The following GRIK1 variants were observed in gnomAD, a reference collection of about 807,000 sequenced individuals.
GRIK1 encodes the protein glutamate receptor ionotropic, kainate 1.
GRIK1 carries 69 observed loss-of-function variants against 105.7 expected under a neutral mutation model. The ratio of observed to expected loss-of-function variants is 0.65; its 90% CI spans 0.54 to 0.80. The LOEUF (loss-of-function observed/expected upper bound fraction) is 0.80, where lower values mean the gene tolerates loss of function less well. Among genes scored for constraint, GRIK1 ranks in the 30% least tolerant of loss-of-function variants. The pLI, the probability that GRIK1 is intolerant of heterozygous loss-of-function variation, is 0.00. For missense variants in GRIK1, 1,109 were observed against 1,167.3 expected (o/e 0.95, Z 0.73); for synonymous variants, 438 against 431.3 (o/e 1.02, Z -0.19).
At position 29,844,364 on chromosome 21, in the gene GRIK1, T is replaced by C. The variant is rs570659792; in HGVS notation, c.118+95019A>G. Among the ~76,000 whole-genome samples the C allele has an allele frequency of 9.8e-5, 15 of 152,312 alleles. 1 individual carries two copies. The South Asian group carries it at 2.9e-3, about 29-fold the overall frequency. On this transcript the variant is annotated intron_variant, in intron 1 of 17. Coordinates refer to ENST00000327783, the MANE Select transcript of GRIK1 (RefSeq NM_001330994.2). The stretch of plus-strand genomic sequence containing the variant: ...TGAGGGTCAAAATTAAACTCTCAGC[T>C]GGGGTCTACATACGCCAGTAAAGAA...
chr21:29,545,580 C>A (rs1465356359), intron 16 of GRIK1, among the ~76,000 whole-genome samples: 1 of 152,166 alleles, frequency 6.6e-6, no homozygotes, highest in Non-Finnish European at 1.5e-5. Context: ...AATGGCACTA[C>A]CTTTAAGCTA....
chr21:29,542,412 C>T lies in GRIK1; in HGVS notation c.2608-4528G>A, dbSNP rs78198622. Among the ~76,000 whole-genome samples, 9 of 152,168 alleles carry T rather than the reference C, an allele frequency of 5.9e-5. No homozygotes were observed. In the East Asian group the frequency reaches 1.7e-3, roughly 29 times the overall value. On this transcript the variant is annotated intron_variant, in intron 16 of 17. Coordinates refer to ENST00000327783, the MANE Select transcript of GRIK1 (RefSeq NM_001330994.2). ...ATCTTCTCTTTACACCTTTATCCTT[C>T]CGTTGCAAATGTTGCCCTGGATGGG...
intron 1 of GRIK1, among the ~76,000 whole-genome samples, chr21:29,810,226 G>A (rs1271749853): frequency 6.6e-6 from 1 of 151,756 alleles, no homozygotes; most frequent in African/African-American, 2.4e-5. Context: ...GAACTCAAGA[G>A]GTGGAGTTTG....
intron 1 of GRIK1, among the ~76,000 whole-genome samples, chr21:29,779,484 G>A (rs2066032225): frequency 8.8e-6 from 1 of 113,950 alleles, no homozygotes; most frequent in Non-Finnish European, 1.9e-5. Context: ...GCTTTGTTTT[G>A]CCCTTTTATG....
chr21:29,939,232 T>C (rs900436276), intron 1 of GRIK1, 151 bp downstream of exon 1: 35 of 561,440 alleles, frequency 6.2e-5, no homozygotes, highest in Non-Finnish European at 1.0e-4. Context: ...GGCTCCCCCT[T>C]TTTTGTGTAG....
intron 1 of GRIK1, among the ~76,000 whole-genome samples, chr21:29,837,768 G>A (rs768399452): frequency 5.9e-5 from 9 of 152,222 alleles, no homozygotes; most frequent in South Asian, 4.2e-4. Flanking sequence ...AAAACTTACC[G>A]TTTAGTAAAC....
intron 7 of GRIK1, among the ~76,000 whole-genome samples, chr21:29,617,039 T>G (rs2061867881): frequency 6.6e-6 from 1 of 152,224 alleles, no homozygotes; most frequent in South Asian, 2.1e-4. Context: ...TAAAACATTT[T>G]ATAATAAGTA....
At chr21:29,881,949 A>G (rs1039597833) in intron 1 of GRIK1, among the ~76,000 whole-genome samples, 1 of 152,080 alleles carries the variant, frequency 6.6e-6, no homozygotes, top group Non-Finnish European at 1.5e-5. Context: ...TCTATTCACT[A>G]TGCTCGGAGG....
intron 1 of GRIK1, among the ~76,000 whole-genome samples, chr21:29,781,995 T>C (rs111541023): frequency 0.043 from 6,550 of 151,922 alleles, 199 homozygotes; most frequent in Non-Finnish European, 0.066. Flanking sequence ...AAAAGCTGCC[T>C]ATTGTGCCCT....
At chr21:29,774,079 C>T (rs1035703574) in intron 1 of GRIK1, among the ~76,000 whole-genome samples, 12 of 152,162 alleles carry the variant, frequency 7.9e-5, no homozygotes, top group African/African-American at 2.9e-4. Context: ...ATAAGCTCTA[C>T]TGGCAAGGCA....
chr21:29,637,002 G>A (rs1040341229), intron 7 of GRIK1, among the ~76,000 whole-genome samples: 7 of 152,136 alleles, frequency 4.6e-5, no homozygotes, highest in Non-Finnish European at 8.8e-5. Flanking sequence ...TCATTATACT[G>A]GAATGCCCTT....
rs192891989 is a variant in GRIK1 at position 29,586,667 on chromosome 21, T to C, written c.1793+699A>G. 3.4e-3 allele frequency among the ~76,000 whole-genome samples: 520 copies of C among 152,324 alleles called. 1 individual carries two copies. Among genetic ancestry groups the C allele is most frequent in the Non-Finnish European group, 4.5e-3 (306 of 68,026 alleles). ...TAGCATCAAAAGTATTCAGAATATA[T>C]GATCTATTGAAAGGTATAAAAATCC... On this transcript the variant is annotated intron_variant, in intron 12 of 17. Transcript: ENST00000327783.
chr21:29,708,694 G>C (rs777542467), intron 1 of GRIK1, among the ~76,000 whole-genome samples: 1 of 152,176 alleles, frequency 6.6e-6, no homozygotes, highest in Non-Finnish European at 1.5e-5. Flanking sequence ...CCCAGTGACT[G>C]CTCTTTCAGC....
At chr21:29,644,749 T>C (rs2062584143) in intron 6 of GRIK1, among the ~76,000 whole-genome samples, 1 of 152,216 alleles carries the variant, frequency 6.6e-6, no homozygotes, top group African/African-American at 2.4e-5. Flanking sequence ...CACTTTGCTG[T>C]ACTAATTCTG....
intron 1 of GRIK1, among the ~76,000 whole-genome samples, chr21:29,880,109 A>C (rs891052511): frequency 1.3e-5 from 2 of 152,156 alleles, no homozygotes; most frequent in African/African-American, 4.8e-5. Flanking sequence ...ACTGTATTTC[A>C]AACATAGCAC....
chr21:29,827,053 C>T (rs894779337), intron 1 of GRIK1, among the ~76,000 whole-genome samples: 8 of 152,126 alleles, frequency 5.3e-5, no homozygotes, highest in African/African-American at 1.7e-4. Context: ...GATCATGAGG[C>T]TAAAAAATCA....
chr21:29,924,492 C>T (rs77319905), intron 1 of GRIK1, among the ~76,000 whole-genome samples: 339 of 152,260 alleles, frequency 2.2e-3, no homozygotes, highest in African/African-American at 8.0e-3. Context: ...AACAACTGCT[C>T]TGAAACCCAA....
intron 1 of GRIK1, among the ~76,000 whole-genome samples, chr21:29,889,873 T>C (rs964577784): frequency 3.9e-5 from 6 of 151,910 alleles, no homozygotes; most frequent in Non-Finnish European, 8.8e-5. Context: ...TAAAGCTAAG[T>C]ATAAGTTTCT....
chr21:29,911,179 T>A (rs1249717257), intron 1 of GRIK1, among the ~76,000 whole-genome samples: 1 of 151,922 alleles, frequency 6.6e-6, no homozygotes, highest in Non-Finnish European at 1.5e-5. Flanking sequence ...ACCCTAAATA[T>A]AGAGAGATTG....
Sources: allele counts gnomAD v4.1 joint callset (sites outside exome capture counted in the v4.1 genomes callset), GRCh38; gene constraint gnomAD v4.1.1; transcripts MANE v1.5; gene names NCBI Gene and HGNC (gene_info 2026-07-23, HGNC 2026-07-21).